Variants in WDPCP observed in about 807,000 individuals in gnomAD.
WDPCP encodes WD repeat containing planar cell polarity effector.
Under a neutral mutation model 93.1 loss-of-function variants are expected in WDPCP, and 71 were observed. That is an observed-to-expected ratio of 0.76 (90% confidence interval 0.63 to 0.93). WDPCP has a LOEUF of 0.93. Among genes scored for constraint, WDPCP ranks in the 40% least tolerant of loss-of-function variants. The pLI is 0.00. For synonymous variants in WDPCP, 315 were observed against 315.0 expected, an observed-to-expected ratio of 1.00 and a Z score of 0.00; for missense variants, 844 against 887.4, an observed-to-expected ratio of 0.95 and a Z score of 0.62.
intron 6 of WDPCP, among the ~76,000 whole-genome samples, chr2:63,468,508 T>C (rs1699495462): frequency 6.6e-6 from 1 of 152,244 alleles, no homozygotes; most frequent in African/African-American, 2.4e-5. Flanking sequence ...CTTCTGTTGC[T>C]ACCTCACACT....
chr2:63,778,987 C>T lies in WDPCP; in HGVS notation n.308+34635G>A, dbSNP rs192955052. 2.4e-3 allele frequency among the ~76,000 whole-genome samples: 370 copies of T among 152,212 alleles called. 3 individuals carry two copies. Among genetic ancestry groups the T allele is most frequent in the Middle Eastern group, 0.017 (5 of 294 alleles). ...GCTGCCTAGATTTTGGCATACATCC[C>T]TCTCTCTCCCAATTGAGAAACACCT... On this transcript the variant is annotated intron_variant and non_coding_transcript_variant, in intron 2 of 4. Transcript: ENST00000467687.
At chr2:63,519,883 G>C (rs1295200146) in intron 1 of WDPCP, among the ~76,000 whole-genome samples, 1 of 152,142 alleles carries the variant, frequency 6.6e-6, no homozygotes, top group African/African-American at 2.4e-5. Flanking sequence ...TAACCAAGCT[G>C]AACTAGCTAA....
chr2:63,528,070 TG>T (rs1290429808), intron 1 of WDPCP, among the ~76,000 whole-genome samples: 3 of 152,258 alleles, frequency 2.0e-5, no homozygotes, highest in South Asian at 2.1e-4. Context: ...GGGGTTTATT[TG>T]TTTTTTTCTT....
chr2:63,592,469 G>A (rs1257797849), upstream of WDPCP, among the ~76,000 whole-genome samples: 1 of 152,094 alleles, frequency 6.6e-6, no homozygotes, highest in African/African-American at 2.4e-5. Context: ...TCCTACCTCA[G>A]CCTCCTGAGT....
intron 2 of WDPCP, among the ~76,000 whole-genome samples, chr2:63,692,114 T>C (rs758080266): frequency 1.3e-5 from 2 of 152,198 alleles, no homozygotes; most frequent in Non-Finnish European, 2.9e-5. Context: ...AGCTCTACTC[T>C]TACTGGGAGT....
chr2:63,649,322 G>A (rs1296566779), intron 3 of WDPCP, among the ~76,000 whole-genome samples: 2 of 152,126 alleles, frequency 1.3e-5, no homozygotes, highest in Non-Finnish European at 2.9e-5. Flanking sequence ...TTTTGTGTCT[G>A]GTTTCTTTCA....
At chr2:63,781,120 C>T (rs1259442603) in intron 2 of WDPCP, among the ~76,000 whole-genome samples, 1 of 152,140 alleles carries the variant, frequency 6.6e-6, no homozygotes, top group Non-Finnish European at 1.5e-5. Flanking sequence ...TATTTCCCCC[C>T]ACTCTGTATT....
chr2:63,444,982 G>A (rs556609037), intron 6 of WDPCP, among the ~76,000 whole-genome samples: 1 of 152,216 alleles, frequency 6.6e-6, no homozygotes, highest in African/African-American at 2.4e-5. Context: ...ACAATCCCCA[G>A]ATGGCTCTTC....
the WDPCP span, among the ~76,000 whole-genome samples, chr2:63,839,279 G>T: frequency 6.6e-6 from 1 of 152,174 alleles, no homozygotes; most frequent in South Asian, 2.1e-4. Context: ...TTAAAAACTC[G>T]CCAGGCGCGG....
chr2:63,835,797 T>A, the WDPCP span, among the ~76,000 whole-genome samples: 1 of 152,162 alleles, frequency 6.6e-6, no homozygotes. Context: ...TCTAATGACA[T>A]AGAATTATTC....
At chr2:63,305,394 G>A (rs549582692) in intron 13 of WDPCP, among the ~76,000 whole-genome samples, 10 of 152,268 alleles carry the variant, frequency 6.6e-5, no homozygotes, top group African/African-American at 1.9e-4. Flanking sequence ...AACAGGCAGC[G>A]ATCTTTGCTG....
chr2:63,585,841 T>C (rs1411001263), intron 1 of WDPCP, among the ~76,000 whole-genome samples: 1 of 148,892 alleles, frequency 6.7e-6, no homozygotes, highest in African/African-American at 2.5e-5. Context: ...TTTTCTTTTT[T>C]TTTTTTTTTT....
At chr2:63,366,605 G>C (rs1191175904) in intron 12 of WDPCP, among the ~76,000 whole-genome samples, 2 of 152,090 alleles carry the variant, frequency 1.3e-5, no homozygotes, top group Non-Finnish European at 2.9e-5. Flanking sequence ...CAGTGTGACA[G>C]GTACCATGAT....
chr2:63,804,767 C>A (rs374890497), intron 2 of WDPCP, among the ~76,000 whole-genome samples: 4 of 151,906 alleles, frequency 2.6e-5, no homozygotes, highest in South Asian at 4.2e-4. Flanking sequence ...CGGTGGCTCA[C>A]GCCTCTAATA....
chr2:63,324,218 C>T (rs1384403568), intron 12 of WDPCP, among the ~76,000 whole-genome samples: 3 of 152,132 alleles, frequency 2.0e-5, no homozygotes, highest in Non-Finnish European at 4.4e-5. Flanking sequence ...AAACTCTTTT[C>T]ATTGAAGGAG....
chr2:63,680,787 T>G (rs1710480435), intron 2 of WDPCP, among the ~76,000 whole-genome samples: 1 of 152,158 alleles, frequency 6.6e-6, no homozygotes, highest in African/African-American at 2.4e-5. Flanking sequence ...AACTCCTTCT[T>G]CTTTCTACTT....
At chr2:63,324,930 G>A (rs1380532395) in intron 12 of WDPCP, among the ~76,000 whole-genome samples, 2 of 152,174 alleles carry the variant, frequency 1.3e-5, no homozygotes, top group Non-Finnish European at 2.9e-5. Context: ...GTGGCTACAG[G>A]AGGCCTTAAG....
At chr2:63,595,001 T>C in intron 3 of WDPCP, 1 of 270,270 alleles carries the variant, frequency 3.7e-6, no homozygotes. Context: ...CTGATTAATA[T>C]ACACTAAAAT....
chr2:63,553,404 G>T (rs755718011), intron 1 of WDPCP, among the ~76,000 whole-genome samples: 1 of 152,116 alleles, frequency 6.6e-6, no homozygotes, highest in African/African-American at 2.4e-5. Context: ...CTGTCATTTG[G>T]TTAGGTCAGG....
Sources: gnomAD v4.1 joint callset for allele counts (sites outside exome capture counted in the v4.1 genomes callset) on GRCh38, gnomAD v4.1.1 for gene constraint, MANE v1.5 for transcripts, NCBI Gene and HGNC (gene_info 2026-07-23, HGNC 2026-07-21) for gene names.